The following B4GALNT2 variants were observed in gnomAD, a reference collection of about 807,000 sequenced individuals.
B4GALNT2 encodes beta-1,4-N-acetyl-galactosaminyltransferase 2 (SID blood group).
A neutral mutation model predicts 51.1 loss-of-function variants in B4GALNT2; 42 were observed. The observed-to-expected ratio is 0.82, with a 90% CI of 0.64 to 1.06. The LOEUF (loss-of-function observed/expected upper bound fraction) is 1.06, where lower values mean the gene tolerates loss of function less well. B4GALNT2 is among the 50% of genes least tolerant of loss of function. The pLI is 0.00. For missense variants in B4GALNT2, 602 were observed against 633.6 expected, an observed-to-expected ratio of 0.95 and a Z score of 0.54; for synonymous variants, 253 against 251.7, an observed-to-expected ratio of 1.01 and a Z score of -0.05.
At chr17:49,133,961 AAC>A (rs2042566557) in intron 1 of B4GALNT2, among the ~76,000 whole-genome samples, 1 of 152,088 alleles carries the variant, frequency 6.6e-6, no homozygotes, top group South Asian at 2.1e-4. Flanking sequence ...AAAAAGCAGC[AAC>A]ACACGTTGAA....
intron 1 of B4GALNT2, among the ~76,000 whole-genome samples, chr17:49,136,387 A>G (rs1189225552): frequency 2.0e-5 from 3 of 151,920 alleles, no homozygotes; most frequent in Admixed American, 6.5e-5. Context: ...GATGTGTGTC[A>G]TTTCAGGCAT....
chr17:49,160,998 G>A (rs549272952), intron 7 of B4GALNT2, among the ~76,000 whole-genome samples: 1 of 152,080 alleles, frequency 6.6e-6, no homozygotes, highest in East Asian at 1.9e-4. Context: ...TGTCTGGCCG[G>A]GCGCAGTGAC....
chr17:49,125,701 GTGGGGGT>G, the B4GALNT2 span, among the ~76,000 whole-genome samples: 1 of 98,762 alleles, frequency 1.0e-5, no homozygotes, highest in African/African-American at 3.6e-5. Flanking sequence ...TGGGAGGGAG[GTGGGGGT>G]CGGCCCCCGC....
At chr17:49,141,518 C>T in intron 2 of B4GALNT2, 71 bp downstream of exon 2, 1 of 1,477,020 alleles carries the variant, frequency 6.8e-7, no homozygotes, top group Non-Finnish European at 9.4e-7. Flanking sequence ...AGTACCATGC[C>T]CTACTGTGCC....
At chr17:49,123,410 A>T in the B4GALNT2 span, among the ~76,000 whole-genome samples, 10 of 152,352 alleles carry the variant, frequency 6.6e-5, no homozygotes, top group South Asian at 1.4e-3. Context: ...AACTGTAGAA[A>T]ATAATAAAAA....
chr17:49,136,540 TTATTTATTTA>T (rs1190748218), intron 1 of B4GALNT2, among the ~76,000 whole-genome samples: 4 of 151,294 alleles, frequency 2.6e-5, no homozygotes, highest in African/African-American at 9.7e-5. Context: ...ATTTATTTAT[TTATTTATTTA>T]TTTATTTATT....
Position 49,145,065 on chromosome 17 carries a change from C to A in B4GALNT2, c.353+2893C>A, listed in dbSNP as rs2042680294. Among the ~76,000 whole-genome samples the A allele has an allele frequency of 1.3e-5, 2 of 152,092 alleles. 1 individual carries two copies. Among genetic ancestry groups the A allele is most frequent in the African/African-American group, 4.8e-5 (2 of 41,400 alleles). ...TAAGGGTGGGTCTGCCTTCCCCAGC[C>A]CACTGACTCAAATATCAGTCTCCTT... is the stretch of plus-strand genomic sequence containing the variant. On this transcript the variant is annotated intron_variant, in intron 3 of 10. Transcript: ENST00000393354.
upstream of B4GALNT2, among the ~76,000 whole-genome samples, chr17:49,129,618 A>ATTT (rs35573556): frequency 2.0e-5 from 3 of 151,534 alleles, no homozygotes; most frequent in African/African-American, 7.3e-5. Flanking sequence ...CTTCTGGCCG[A>ATTT]TTTTTTGGTC....
intron 6 of B4GALNT2, 63 bp from the exon 7 acceptor site, chr17:49,160,492 G>T: frequency 6.7e-7 from 1 of 1,490,560 alleles, no homozygotes; most frequent in South Asian, 1.1e-5. Context: ...GGCTTCCCGG[G>T]GTGGCATGGA....
At chr17:49,160,477 A>G (rs1322483264) in intron 6 of B4GALNT2, 78 bp from the exon 7 acceptor site, 13 of 1,358,976 alleles carry the variant, frequency 9.6e-6, no homozygotes, top group African/African-American at 5.7e-5. Flanking sequence ...CTCGCCTGTC[A>G]TGGTGGCTTC....
In B4GALNT2 at chr17:49,141,240, C is replaced by T. The variant is rs1408285190; in HGVS notation, c.15-7C>T. 1 of 1,612,118 alleles carries T rather than the reference C, an allele frequency of 6.2e-7. No homozygotes were observed. Among genetic ancestry groups the T allele is most frequent in the Admixed American group, 1.7e-5 (1 of 59,974 alleles). Reference sequence around the variant, plus strand: ...TTAACATAATCTGTTCTTTTGTGTCCCAACAGCTCGAGATTTCTGTGGCTC... The same window carrying T: ...TTAACATAATCTGTTCTTTTGTGTCTCAACAGCTCGAGATTTCTGTGGCTC... On this transcript the variant is annotated splice_region_variant and splice_polypyrimidine_tract_variant and intron_variant, in intron 1 of 10. Transcript: ENST00000393354.
intron 7 of B4GALNT2, 61 bp downstream of exon 7, chr17:49,160,702 A>G (rs2144328161): frequency 1.4e-6 from 2 of 1,435,626 alleles, no homozygotes; most frequent in Admixed American, 1.7e-5. Context: ...GGTGAAATTC[A>G]GAAGGGATCA....
rs2042959357 is a variant in B4GALNT2 at position 49,171,821 on chromosome 17, T to C, written c.*2093T>C. The C allele has an allele frequency of 1.0e-5, 4 of 396,514 alleles. 1 individual carries two copies. Among genetic ancestry groups the C allele is most frequent in the Middle Eastern group, 8.4e-4 (1 of 1,186 alleles). 24.6% of individuals were successfully genotyped at this position (396,514 alleles called of 1,614,324 possible). On this transcript the variant is annotated 3_prime_UTR_variant, in exon 11 of 11. Coordinates refer to ENST00000393354, the MANE Select transcript of B4GALNT2 (RefSeq NM_001159387.2). ...AATCTTCCCAAACAAGTACATTCAT[T>C]ATTTCTGGCCAGGTCTAATTCTATT...
At position 49,136,826 on chromosome 17, in the gene B4GALNT2, C is replaced by T. The variant is rs572444601; in HGVS notation, c.14+4020C>T. Among the ~76,000 whole-genome samples the T allele has an allele frequency of 3.9e-4, 59 of 152,180 alleles. 1 individual carries two copies. Among genetic ancestry groups the T allele is most frequent in the African/African-American group, 1.4e-3 (57 of 41,508 alleles). On this transcript the variant is annotated intron_variant, in intron 1 of 10. Transcript: ENST00000393354. The stretch of plus-strand genomic sequence containing the variant: ...CCTCCCAAAGTGCTGGGATTACAGG[C>T]GTGAACCACCGGGCCCAGCCTCACA...
At chr17:49,164,399 G>A (rs978696542) in intron 8 of B4GALNT2, 124 bp downstream of exon 8, 1 of 832,844 alleles carries the variant, frequency 1.2e-6, no homozygotes, top group Admixed American at 2.5e-5. Context: ...CCAGGAGTGG[G>A]AGTGGGTGAG....
chr17:49,145,300 C>A (rs952652831), intron 3 of B4GALNT2, among the ~76,000 whole-genome samples: 1 of 152,130 alleles, frequency 6.6e-6, no homozygotes, highest in Non-Finnish European at 1.5e-5. Flanking sequence ...CGACCAGAAA[C>A]GCACCAATCC....
chr17:49,169,779 A>G lies in B4GALNT2; in HGVS notation c.*51A>G. 1 of 1,469,508 alleles carries G rather than the reference A, an allele frequency of 6.8e-7. No homozygotes were observed. The highest frequency in any genetic ancestry group is 1.4e-5 in the South Asian group (1 of 70,828). The allele number at this position is 1,469,508 out of a possible 1,614,324, so 91.0% of individuals were successfully genotyped here. A position where few individuals can be genotyped will look rare whatever the true frequency, so the allele number is the denominator to read the frequency against. On this transcript the variant is annotated 3_prime_UTR_variant, in exon 11 of 11. Coordinates refer to ENST00000393354, the MANE Select transcript of B4GALNT2 (RefSeq NM_001159387.2). ...TAGGCTGGCTGGTTATGGTATCTAT[A>G]GCAGGCCACCAAAAACTGGACTCCT...
chr17:49,157,636 A>G (rs2042823350), intron 5 of B4GALNT2, among the ~76,000 whole-genome samples: 2 of 151,716 alleles, frequency 1.3e-5, no homozygotes, highest in South Asian at 4.2e-4. Context: ...CTTATTTTTT[A>G]TTTTTAGTAG....
In B4GALNT2 at chr17:49,135,553, C is replaced by T. The variant is rs116902586; in HGVS notation, c.14+2747C>T. On this transcript the variant is annotated intron_variant, in intron 1 of 10. Coordinates refer to ENST00000393354, the MANE Select transcript of B4GALNT2 (RefSeq NM_001159387.2). ...GATTACAGGCGTGAGCCACCGCGCC[C>T]GGCCCATCCTTCTTATTTTTAATAT... is the stretch of plus-strand genomic sequence containing the variant. Among the ~76,000 whole-genome samples the T allele has an allele frequency of 5.3e-4, 81 of 152,076 alleles. No homozygotes were observed. In the East Asian group the frequency reaches 0.014, roughly 27 times the overall value.
Sources: gnomAD v4.1 joint callset for allele counts (sites outside exome capture counted in the v4.1 genomes callset) on GRCh38, gnomAD v4.1.1 for gene constraint, MANE v1.5 for transcripts, NCBI Gene and HGNC (gene_info 2026-07-23, HGNC 2026-07-21) for gene names.